RNGTT: variants seen among roughly 807,000 people sequenced by gnomAD.
RNGTT encodes the protein mRNA-capping enzyme.
RNGTT carries 33 observed loss-of-function variants against 79.3 expected under a neutral mutation model. That is an observed-to-expected ratio of 0.42 (90% CI 0.32 to 0.56). RNGTT has a LOEUF of 0.56. Among genes scored for constraint, RNGTT ranks in the 20% least tolerant of loss-of-function variants. The pLI is 0.17. For synonymous variants in RNGTT, 222 were observed against 235.9 expected, an observed-to-expected ratio of 0.94 and a Z score of 0.54; for missense variants, 497 against 739.1, an observed-to-expected ratio of 0.67 and a Z score of 3.80.
At chr6:88,892,011 G>T (rs572478775) in intron 6 of RNGTT, 96 bp from the exon 7 acceptor site, 33 of 835,492 alleles carry the variant, frequency 3.9e-5, no homozygotes, top group Non-Finnish European at 5.3e-5. Flanking sequence ...AAATTAGTTT[G>T]TTCTCACAAA....
At chr6:88,811,502 A>T (rs1023321388) in intron 11 of RNGTT, among the ~76,000 whole-genome samples, 6 of 152,160 alleles carry the variant, frequency 3.9e-5, no homozygotes, top group African/African-American at 1.4e-4. Flanking sequence ...CCGAAAACCA[A>T]GTTGTTATAA....
At chr6:88,677,136 A>G (rs562106013) in intron 14 of RNGTT, among the ~76,000 whole-genome samples, 12 of 152,340 alleles carry the variant, frequency 7.9e-5, no homozygotes, top group Non-Finnish European at 1.6e-4. Flanking sequence ...AATAATGTGG[A>G]TGAATCTCAA....
chr6:88,707,268 C>T (rs1476164046), intron 13 of RNGTT, among the ~76,000 whole-genome samples: 2 of 151,882 alleles, frequency 1.3e-5, no homozygotes, highest in Non-Finnish European at 2.9e-5. Flanking sequence ...AAAGATTCCA[C>T]TGTGTGAAGA....
intron 13 of RNGTT, among the ~76,000 whole-genome samples, chr6:88,696,528 A>G (rs1469335179): frequency 6.6e-6 from 1 of 152,038 alleles, no homozygotes; most frequent in Non-Finnish European, 1.5e-5. Context: ...CAAATCTGAA[A>G]TCATCTGAAT....
chr6:88,891,827 T>A lies in RNGTT; in HGVS notation c.773A>T (p.His258Leu), dbSNP rs1190603664. Residue 258 changes from histidine (H) to leucine (L), a missense_variant, in exon 7 of 16, where the codon CAT (histidine) becomes CTT (leucine). His to Leu is a moderately conservative substitution (Grantham distance 99). Coordinates refer to ENST00000369485, the MANE Select transcript of RNGTT (RefSeq NM_003800.5). ...TTACCCTTCCCAGCCACAGAATTGA[T>A]GACACTTCTGCTGTACCTCTCCTAA... The part of the protein sequence containing the change: ...PKLGEVQQKC[H>L]QFCGWEGSGF... The A allele has an allele frequency of 6.3e-7, 1 of 1,587,760 alleles. No individual in the cohort carries two copies. Among genetic ancestry groups the A allele is most frequent in the Non-Finnish European group, 8.6e-7 (1 of 1,167,742 alleles).
At chr6:88,915,933 AAC>A (rs1354697215) in intron 4 of RNGTT, among the ~76,000 whole-genome samples, 2 of 152,190 alleles carry the variant, frequency 1.3e-5, no homozygotes, top group Non-Finnish European at 2.9e-5. Flanking sequence ...TCAATAAGAT[AAC>A]ACAGTATTTT....
chr6:88,725,749 A>T (rs1254110486), intron 13 of RNGTT, among the ~76,000 whole-genome samples: 2 of 152,204 alleles, frequency 1.3e-5, no homozygotes, highest in Non-Finnish European at 2.9e-5. Context: ...AAAAATATTC[A>T]GAACCCCCCT....
intron 12 of RNGTT, among the ~76,000 whole-genome samples, chr6:88,800,171 A>G (rs1779737809): frequency 6.6e-6 from 1 of 152,236 alleles, no homozygotes. Context: ...ATAATGCTTT[A>G]CATGCATAGG....
chr6:88,831,289 G>A (rs1046918868), intron 11 of RNGTT, among the ~76,000 whole-genome samples: 9 of 152,072 alleles, frequency 5.9e-5, no homozygotes, highest in Non-Finnish European at 1.0e-4. Context: ...TTCAACATAC[G>A]CAAATCAATA....
chr6:88,778,406 GA>G (rs1277973009), intron 12 of RNGTT, among the ~76,000 whole-genome samples: 1 of 116,526 alleles, frequency 8.6e-6, no homozygotes, highest in Non-Finnish European at 1.8e-5. Context: ...AAATACTTAG[GA>G]AGGAAAAATT....
intron 11 of RNGTT, among the ~76,000 whole-genome samples, chr6:88,821,763 G>A (rs1780502931): frequency 6.6e-6 from 1 of 150,886 alleles, no homozygotes; most frequent in Non-Finnish European, 1.5e-5. Flanking sequence ...TAATATATTA[G>A]AAAAAAGACA....
At chr6:88,690,939 C>A (rs1307801166) in intron 13 of RNGTT, among the ~76,000 whole-genome samples, 2 of 152,042 alleles carry the variant, frequency 1.3e-5, no homozygotes, top group Non-Finnish European at 2.9e-5. Context: ...CATCAAGTGC[C>A]TATATATAAT....
intron 13 of RNGTT, among the ~76,000 whole-genome samples, chr6:88,748,282 T>A (rs1777730827): frequency 6.6e-6 from 1 of 152,102 alleles, no homozygotes; most frequent in African/African-American, 2.4e-5. Context: ...TAAGATGAGA[T>A]AATACAGGGC....
At chr6:88,775,146 C>T (rs1778833924) in intron 12 of RNGTT, among the ~76,000 whole-genome samples, 1 of 152,018 alleles carries the variant, frequency 6.6e-6, no homozygotes, top group Admixed American at 6.6e-5. Context: ...AACATTATAA[C>T]ACAATGTTTG....
chr6:88,838,567 T>C (rs1000846688), intron 11 of RNGTT, among the ~76,000 whole-genome samples: 29 of 151,900 alleles, frequency 1.9e-4, no homozygotes, highest in African/African-American at 7.0e-4. Context: ...ATGAGCAAAA[T>C]CTCATGCTTA....
At chr6:88,936,485 C>G (rs1196623823) in intron 2 of RNGTT, among the ~76,000 whole-genome samples, 1 of 152,162 alleles carries the variant, frequency 6.6e-6, no homozygotes, top group Non-Finnish European at 1.5e-5. Context: ...AGCTTTTCCC[C>G]AATTAGTATG....
At chr6:88,887,080 C>T (rs1782887384) in intron 8 of RNGTT, among the ~76,000 whole-genome samples, 1 of 143,370 alleles carries the variant, frequency 7.0e-6, no homozygotes, top group Non-Finnish European at 1.5e-5. Context: ...AGCCACTCTA[C>T]TTACTGTTAT....
intron 13 of RNGTT, among the ~76,000 whole-genome samples, chr6:88,764,666 C>A (rs1218731452): frequency 6.6e-6 from 1 of 151,964 alleles, no homozygotes; most frequent in African/African-American, 2.4e-5. Flanking sequence ...TCTGGAGTGC[C>A]TACTATAAAC....
intron 4 of RNGTT, among the ~76,000 whole-genome samples, chr6:88,924,727 A>ATTT (rs11459283): frequency 2.2e-5 from 3 of 138,114 alleles, no homozygotes; most frequent in Non-Finnish European, 3.1e-5. Flanking sequence ...CTCCTCTCCA[A>ATTT]TTTTTTTTTT....
Sources: gnomAD v4.1 joint callset for allele counts (sites outside exome capture counted in the v4.1 genomes callset) on GRCh38, gnomAD v4.1.1 for gene constraint, MANE v1.5 for transcripts, NCBI Gene and HGNC (gene_info 2026-07-23, HGNC 2026-07-21) for gene names.